SDK1: variants seen among roughly 807,000 people sequenced by gnomAD.
The protein encoded by SDK1 is sidekick cell adhesion molecule 1, also known as protein sidekick-1.
A neutral mutation model predicts 245.5 loss-of-function variants in SDK1; 157 were observed. That is an observed-to-expected ratio of 0.64 (90% CI 0.56 to 0.73). The LOEUF is 0.73. SDK1 is among the 30% of genes least tolerant of loss of function. SDK1 has a pLI of 0.00. For synonymous variants in SDK1, 1,647 were observed against 1,278.5 expected (o/e 1.29, Z -6.15); for missense variants, 3,583 against 3,002.3 (o/e 1.19, Z -4.52).
intron 44 of SDK1, among the ~76,000 whole-genome samples, chr7:4,264,293 G>GGGAGGCCGCGTGGATCTCTCCTGAGTGA (rs1788287704): frequency 9.1e-6 from 1 of 109,928 alleles, no homozygotes; most frequent in Non-Finnish European, 1.9e-5. Flanking sequence ...CTCCTGAGTG[G>GGGAGGCCGCGTGGATCTCTCCTGAGTGA]GGAGGCCGTG....
In SDK1 at chr7:3,526,240, G is replaced by GA. The variant is rs112433054; in HGVS notation, c.299-92829dup. On this transcript the variant is annotated intron_variant, in intron 1 of 44. Transcript: ENST00000404826. ...AGAGCGAGACTCCGTCGCAAAAAAA[G>GA]AAAAAAAAAAATCACACTGTGACCT... Among the ~76,000 whole-genome samples the GA allele has an allele frequency of 9.7e-4, 138 of 142,938 alleles. 3 individuals carry two copies. Among genetic ancestry groups the GA allele is most frequent in the South Asian group, 5.1e-3 (23 of 4,528 alleles). 93.8% of individuals were successfully genotyped at this position (142,938 alleles called of 152,430 possible). A position where few individuals can be genotyped will look rare whatever the true frequency, so the allele number is the denominator to read the frequency against.
intron 32 of SDK1, 106 bp downstream of exon 32, chr7:4,161,962 C>A (rs929821046): frequency 4.0e-6 from 4 of 996,124 alleles, no homozygotes; most frequent in Non-Finnish European, 6.3e-6. Context: ...CTGAGCTAAG[C>A]GTTTGAGAGT....
At chr7:3,321,988 T>G (rs73046637) in intron 1 of SDK1, among the ~76,000 whole-genome samples, 1 of 149,844 alleles carries the variant, frequency 6.7e-6, no homozygotes, top group Non-Finnish European at 1.5e-5. Flanking sequence ...AGGTCATCAT[T>G]TTTATTAGCT....
At chr7:3,407,131 A>G (rs1266139753) in intron 1 of SDK1, among the ~76,000 whole-genome samples, 2 of 152,176 alleles carry the variant, frequency 1.3e-5, no homozygotes, top group Non-Finnish European at 1.5e-5. Context: ...ACTGCTCTGC[A>G]CTAATGATGC....
rs1042521237 is a variant in SDK1, at chr7:3,502,496, G to A, written c.299-116584G>A. On this transcript the variant is annotated intron_variant, in intron 1 of 44. Coordinates refer to ENST00000404826, the MANE Select transcript of SDK1 (RefSeq NM_152744.4). ...AACTCCTGACCTCAGGTGATCCACC[G>A]CCTTGGCCTCCCAAAGTGCTGGGAT... Among the ~76,000 whole-genome samples the A allele has an allele frequency of 2.6e-3, 392 of 152,178 alleles. 3 individuals are homozygous for A. The highest frequency in any genetic ancestry group is 9.2e-3 in the African/African-American group (384 of 41,544).
At chr7:4,057,051 G>A (rs912103241) in intron 19 of SDK1, among the ~76,000 whole-genome samples, 2 of 152,110 alleles carry the variant, frequency 1.3e-5, no homozygotes, top group African/African-American at 2.4e-5. Context: ...GACAGACTTC[G>A]CTTCCAGGCA....
intron 40 of SDK1, among the ~76,000 whole-genome samples, chr7:4,225,783 C>T (rs536040992): frequency 6.6e-6 from 1 of 152,224 alleles, no homozygotes; most frequent in East Asian, 1.9e-4. Flanking sequence ...GGAAACTGAC[C>T]CACAGGGGAC....
intron 28 of SDK1, among the ~76,000 whole-genome samples, chr7:4,139,790 C>T (rs1779447705): frequency 6.6e-6 from 1 of 151,986 alleles, no homozygotes; most frequent in Middle Eastern, 3.4e-3. Context: ...CCCAGGAGCG[C>T]TATGGGACTG....
At chr7:3,415,657 A>G (rs533221453) in intron 1 of SDK1, among the ~76,000 whole-genome samples, 1 of 151,120 alleles carries the variant, frequency 6.6e-6, no homozygotes. Context: ...TTGTATCCCT[A>G]CTTCTGAGCT....
chr7:3,905,237 A>C (rs1243689757), intron 5 of SDK1, among the ~76,000 whole-genome samples: 1 of 152,006 alleles, frequency 6.6e-6, no homozygotes, highest in Non-Finnish European at 1.5e-5. Flanking sequence ...TTATTCTGTC[A>C]GTCTCCTATA....
chr7:3,787,995 G>A (rs767823924), intron 4 of SDK1, among the ~76,000 whole-genome samples: 1 of 152,178 alleles, frequency 6.6e-6, no homozygotes, highest in South Asian at 2.1e-4. Context: ...GCCCGTGGGA[G>A]GACCGGAGGG....
intron 1 of SDK1, among the ~76,000 whole-genome samples, chr7:3,610,914 G>C (rs1425148225): frequency 6.6e-6 from 1 of 152,234 alleles, no homozygotes; most frequent in Non-Finnish European, 1.5e-5. Flanking sequence ...ATTACTTGGA[G>C]AAAATCCCAC....
intron 4 of SDK1, among the ~76,000 whole-genome samples, chr7:3,696,035 C>G (rs1403759194): frequency 6.6e-6 from 1 of 152,138 alleles, no homozygotes; most frequent in African/African-American, 2.4e-5. Context: ...TCCTCTCAGC[C>G]TCTTCTCCGC....
At chr7:3,939,185 A>G (rs746762759) in intron 5 of SDK1, among the ~76,000 whole-genome samples, 27 of 152,238 alleles carry the variant, frequency 1.8e-4, no homozygotes, top group Non-Finnish European at 2.5e-4. Flanking sequence ...TTGGGATTAG[A>G]TCTTTTGGGG....
intron 40 of SDK1, among the ~76,000 whole-genome samples, chr7:4,223,998 C>T (rs1026268658): frequency 6.6e-6 from 1 of 152,096 alleles, no homozygotes; most frequent in Non-Finnish European, 1.5e-5. Flanking sequence ...TAACGGTGGC[C>T]ACAGGTCACC....
intron 30 of SDK1, among the ~76,000 whole-genome samples, chr7:4,153,415 G>T (rs1365195849): frequency 2.0e-5 from 3 of 152,016 alleles, no homozygotes; most frequent in African/African-American, 7.2e-5. Flanking sequence ...GTGAAACCCT[G>T]TCTCTACTAA....
chr7:4,044,191 A>G (rs1562005), intron 17 of SDK1, among the ~76,000 whole-genome samples: 48,572 of 152,108 alleles, frequency 0.32, 11,875 homozygotes, highest in African/African-American at 0.69. Context: ...CGTTGGCGCC[A>G]TGGCTAGGAA....
intron 1 of SDK1, among the ~76,000 whole-genome samples, chr7:3,393,590 CG>C (rs1459486211): frequency 6.6e-6 from 1 of 152,166 alleles, no homozygotes; most frequent in Admixed American, 6.5e-5. Context: ...CAGAATACTA[CG>C]TAGCAGTTAA....
At chr7:3,722,578 T>C (rs909900408) in intron 4 of SDK1, among the ~76,000 whole-genome samples, 2 of 152,282 alleles carry the variant, frequency 1.3e-5, no homozygotes, top group African/African-American at 4.8e-5. Flanking sequence ...TCCTTAGGGA[T>C]GCACTGTGTG....
Sources: gnomAD v4.1 joint callset for allele counts (sites outside exome capture counted in the v4.1 genomes callset) on GRCh38, gnomAD v4.1.1 for gene constraint, MANE v1.5 for transcripts, NCBI Gene and HGNC (gene_info 2026-07-23, HGNC 2026-07-21) for gene names.